The following SCAPER variants were observed in gnomAD, a reference collection of about 807,000 sequenced individuals.
The protein encoded by SCAPER is S phase cyclin A-associated protein in the endoplasmic reticulum.
In SCAPER, 98 loss-of-function variants were observed where a neutral mutation model predicts 182.2. That is an observed-to-expected ratio of 0.54 (90% CI 0.46 to 0.64). The LOEUF is 0.64. Among genes scored for constraint, SCAPER ranks in the 30% least tolerant of loss-of-function variants. SCAPER has a pLI of 0.00. For missense variants in SCAPER, 1,432 were observed against 1,690.0 expected (o/e 0.85, Z 2.68); for synonymous variants, 605 against 564.6 (o/e 1.07, Z -1.01).
intron 29 of SCAPER, among the ~76,000 whole-genome samples, chr15:76,371,077 T>C (rs1052935040): frequency 3.3e-5 from 5 of 152,194 alleles, no homozygotes; most frequent in Admixed American, 3.3e-4. Context: ...TGAGTTGGGC[T>C]TTGCAAAACC....
chr15:76,520,826 G>A (rs2042776965), intron 23 of SCAPER, among the ~76,000 whole-genome samples: 1 of 152,178 alleles, frequency 6.6e-6, no homozygotes, highest in South Asian at 2.1e-4. Context: ...TCTAGAATCT[G>A]AGCTTTCAAA....
In SCAPER at chr15:76,354,473, C is replaced by G. The variant is rs974805222; in HGVS notation, c.3856-333G>C. ...CTTTAACAAAGTGCTCCCCACACCCCCTTAAAGCAGAGTAGTCATATTCCT... is the reference window on the plus strand; with the variant it reads ...CTTTAACAAAGTGCTCCCCACACCCGCTTAAAGCAGAGTAGTCATATTCCT... On this transcript the variant is annotated intron_variant, in intron 29 of 31. Coordinates refer to ENST00000563290, the MANE Select transcript of SCAPER (RefSeq NM_020843.4). The surrounding 1 kb of genome is among the most constrained non-coding windows in gnomAD (Gnocchi z 4.4). The G allele has an allele frequency of 5.4e-5, 13 of 239,774 alleles. No individual in the cohort carries two copies. The highest frequency in any genetic ancestry group is 2.6e-4 in the African/African-American group (11 of 42,814). The allele number at this position is 239,774 out of a possible 1,614,324, so 14.9% of individuals were successfully genotyped here. A position where few individuals can be genotyped will look rare whatever the true frequency, so the allele number is the denominator to read the frequency against.
chr15:76,578,775 T>C (rs112962866), intron 22 of SCAPER, among the ~76,000 whole-genome samples: 1 of 152,182 alleles, frequency 6.6e-6, no homozygotes, highest in Non-Finnish European at 1.5e-5. Flanking sequence ...GCCTACACCA[T>C]GAAGACTACA....
At chr15:76,735,329 C>T (rs565020814) in intron 15 of SCAPER, among the ~76,000 whole-genome samples, 107 of 151,806 alleles carry the variant, frequency 7.0e-4, no homozygotes, top group Middle Eastern at 3.4e-3. Context: ...GCCATGATCG[C>T]GCCACTAAAC....
At chr15:76,581,156 A>T (rs1350353586) in intron 22 of SCAPER, among the ~76,000 whole-genome samples, 1 of 152,186 alleles carries the variant, frequency 6.6e-6, no homozygotes, top group Non-Finnish European at 1.5e-5. Context: ...AGCCATAATA[A>T]AAAGTCTCCC....
chr15:76,697,752 G>C (rs186609795), intron 20 of SCAPER, among the ~76,000 whole-genome samples: 26 of 152,148 alleles, frequency 1.7e-4, no homozygotes, highest in Admixed American at 5.9e-4. Flanking sequence ...CAATTCTCCT[G>C]CCTCAGCCTC....
intron 21 of SCAPER, among the ~76,000 whole-genome samples, chr15:76,656,781 C>T (rs2055676195): frequency 6.6e-6 from 1 of 152,086 alleles, no homozygotes; most frequent in Admixed American, 6.5e-5. Context: ...ATTAAACAAC[C>T]TGCTCCCAAA....
intron 2 of SCAPER, among the ~76,000 whole-genome samples, chr15:76,877,091 G>C (rs908957737): frequency 1.3e-5 from 2 of 151,750 alleles, no homozygotes. Flanking sequence ...TTAAAAAATT[G>C]GCCCAGCTAC....
chr15:76,589,647 C>T (rs760564797), intron 22 of SCAPER, among the ~76,000 whole-genome samples: 3 of 152,126 alleles, frequency 2.0e-5, no homozygotes, highest in Non-Finnish European at 4.4e-5. Flanking sequence ...TTCACACCTC[C>T]TTGCCTGTTG....
intron 8 of SCAPER, among the ~76,000 whole-genome samples, chr15:76,790,383 T>C (rs1224781781): frequency 6.6e-6 from 1 of 152,226 alleles, no homozygotes; most frequent in Non-Finnish European, 1.5e-5. Flanking sequence ...TATTTTTACC[T>C]TAAAAGTTTG....
At chr15:76,370,468 C>T (rs2042094370) in intron 29 of SCAPER, among the ~76,000 whole-genome samples, 2 of 151,936 alleles carry the variant, frequency 1.3e-5, no homozygotes, top group African/African-American at 4.8e-5. Flanking sequence ...CAGCACCTGA[C>T]TGATTTTTGT....
At chr15:76,775,616 T>C (rs1020807692) in intron 8 of SCAPER, among the ~76,000 whole-genome samples, 5 of 152,174 alleles carry the variant, frequency 3.3e-5, no homozygotes, top group Non-Finnish European at 7.3e-5. Context: ...AAACTGTCTC[T>C]TCATCTTTCA....
At chr15:76,485,220 A>G (rs2051502615) in intron 24 of SCAPER, among the ~76,000 whole-genome samples, 1 of 152,178 alleles carries the variant, frequency 6.6e-6, no homozygotes, top group Admixed American at 6.5e-5. Flanking sequence ...ACAAAAATCA[A>G]TGTGTAAATA....
chr15:76,687,443 C>CT (rs1467012514), intron 20 of SCAPER, among the ~76,000 whole-genome samples: 12 of 152,032 alleles, frequency 7.9e-5, no homozygotes, highest in African/African-American at 2.7e-4. Context: ...AACATATACT[C>CT]TTTTTTAAAA....
At chr15:76,706,693 T>C (rs1274106509) in intron 17 of SCAPER, among the ~76,000 whole-genome samples, 1 of 152,150 alleles carries the variant, frequency 6.6e-6, no homozygotes, top group Non-Finnish European at 1.5e-5. Flanking sequence ...ACAGGAAGTT[T>C]AAGTGAAAAT....
rs142936430 is a variant in SCAPER, at chr15:76,496,194, A to G, written c.2954+8665T>C. Among the ~76,000 whole-genome samples, 401 of 151,304 alleles carry G rather than the reference A, an allele frequency of 2.7e-3. 17 individuals carry two copies. In the East Asian group the frequency reaches 0.069, roughly 26 times the overall value. On this transcript the variant is annotated intron_variant, in intron 24 of 31. Coordinates refer to ENST00000563290, the MANE Select transcript of SCAPER (RefSeq NM_020843.4). ...ACTGGCTTCTAATTTCAGGAAAATC[A>G]TTGGTGAAATGTTTAAGTTTCTCAT...
At chr15:76,448,528 C>T (rs769775930) in intron 25 of SCAPER, among the ~76,000 whole-genome samples, 4 of 151,926 alleles carry the variant, frequency 2.6e-5, no homozygotes, top group East Asian at 1.9e-4. Flanking sequence ...TTGGGACCAT[C>T]GGTGTATGAG....
At chr15:76,812,581 A>C (rs1479681777) in intron 5 of SCAPER, among the ~76,000 whole-genome samples, 1 of 152,084 alleles carries the variant, frequency 6.6e-6, no homozygotes, top group Non-Finnish European at 1.5e-5. Context: ...TAGGGTGAAA[A>C]AAAGAGATGA....
intron 20 of SCAPER, among the ~76,000 whole-genome samples, chr15:76,681,836 G>A (rs1440894855): frequency 6.6e-6 from 1 of 152,170 alleles, no homozygotes; most frequent in Non-Finnish European, 1.5e-5. Context: ...TAGAGGATTT[G>A]GTGTGGGAAC....
Sources: gnomAD v4.1 joint callset for allele counts (sites outside exome capture counted in the v4.1 genomes callset) on GRCh38, gnomAD v4.1.1 for gene constraint, Gnocchi (gnomAD v3.1) non-coding constraint, MANE v1.5 for transcripts, NCBI Gene and HGNC (gene_info 2026-07-23, HGNC 2026-07-21) for gene names.